Variants in IKBKB observed in about 807,000 individuals in gnomAD.
The protein encoded by IKBKB is inhibitor of nuclear factor kappa-B kinase subunit beta.
A neutral mutation model predicts 113.6 loss-of-function variants in IKBKB; 42 were observed. The observed-to-expected ratio is 0.37, with a 90% CI of 0.29 to 0.48. The LOEUF is 0.48. IKBKB is among the 20% of genes least tolerant of loss of function. The pLI, the probability that IKBKB is intolerant of heterozygous loss-of-function variation, is 0.99. For missense variants in IKBKB, 673 were observed against 939.7 expected, an observed-to-expected ratio of 0.72 and a Z score of 3.71; for synonymous variants, 296 against 361.3, an observed-to-expected ratio of 0.82 and a Z score of 2.05.
At chr8:42,322,304 T>C (rs1298350976) in intron 18 of IKBKB, 43 bp from the exon 19 acceptor site, 9 of 1,612,884 alleles carry the variant, frequency 5.6e-6, no homozygotes, top group Non-Finnish European at 7.6e-6. Context: ...TTCTGCTTTC[T>C]CCAGCCCAAA....
At chr8:42,319,519 T>C (rs1819368571) in intron 14 of IKBKB, 66 bp from the exon 15 acceptor site, 1 of 1,584,250 alleles carries the variant, frequency 6.3e-7, no homozygotes, top group Admixed American at 1.8e-5. Context: ...GTTGCTTATT[T>C]CTGTTTCAGT....
chr8:42,325,791 C>A, intron 19 of IKBKB, 179 bp from the exon 20 acceptor site: 1 of 1,448,214 alleles, frequency 6.9e-7, no homozygotes, highest in Non-Finnish European at 9.1e-7. Context: ...TACAGAAACA[C>A]TTTTGAAGCC....
intron 20 of IKBKB, 31 bp from the exon 21 acceptor site, chr8:42,329,093 C>A: frequency 6.4e-7 from 1 of 1,558,878 alleles, no homozygotes. Flanking sequence ...TAATAATGAC[C>A]ACTTTCTAAT....
intron 19 of IKBKB, chr8:42,324,882 C>T (rs560197847): frequency 7.8e-5 from 12 of 153,064 alleles, no homozygotes; most frequent in South Asian, 2.1e-4. Context: ...AGGCCAATGC[C>T]GGGCCTCTCC....
In IKBKB at chr8:42,271,321, T is replaced by G; in HGVS notation, c.-167T>G. 2 of 988,102 alleles carry G rather than the reference T, an allele frequency of 2.0e-6. No homozygotes were observed. The highest frequency in any genetic ancestry group is 3.1e-6 in the Non-Finnish European group (2 of 647,402). The allele number at this position is 988,102 out of a possible 1,614,324, so 61.2% of individuals were successfully genotyped here. On this transcript the variant is annotated 5_prime_UTR_variant, in exon 1 of 22. Coordinates refer to ENST00000520810, the MANE Select transcript of IKBKB (RefSeq NM_001556.3). ...TGCTCCGTGACGTCAGAGCAGGAAG[T>G]GTTTGAGGAAGTCGCGCCGCGCTGC... is the stretch of plus-strand genomic sequence containing the variant.
At position 42,331,093 on chromosome 8, in the gene IKBKB, G is replaced by A; in HGVS notation, c.*114G>A. The A allele has an allele frequency of 2.7e-6, 4 of 1,508,608 alleles. No individual in the cohort carries two copies. Among genetic ancestry groups the A allele is most frequent in the Non-Finnish European group, 3.6e-6 (4 of 1,111,796 alleles). 93.5% of individuals were successfully genotyped at this position (1,508,608 alleles called of 1,614,324 possible). A position where few individuals can be genotyped will look rare whatever the true frequency, so the allele number is the denominator to read the frequency against. ...GGAGCAGGCCGCGTGACGTGGGGCT[G>A]CCTGGCCGCGGCTCTCACATGGTGG... On this transcript the variant is annotated 3_prime_UTR_variant, in exon 22 of 22. Coordinates refer to ENST00000520810, the MANE Select transcript of IKBKB (RefSeq NM_001556.3).
chr8:42,315,972 C>T (rs1818608117), intron 9 of IKBKB, among the ~76,000 whole-genome samples: 2 of 152,146 alleles, frequency 1.3e-5, no homozygotes, highest in South Asian at 4.1e-4. Context: ...TCTCATGGGT[C>T]ATTCTTATGC....
rs970959851 is a variant in IKBKB, at chr8:42,271,563, G to A, written c.-19+94G>A. ...CCGGAAGACCCCTCTGTGCCGCTGG[G>A]AAGTCGCAGCTTGCGGACTGGGGAG... is the stretch of plus-strand genomic sequence containing the variant. On this transcript the variant is annotated intron_variant, in intron 1 of 21. Coordinates refer to ENST00000520810, the MANE Select transcript of IKBKB (RefSeq NM_001556.3). The A allele has an allele frequency of 2.5e-5, 14 of 565,134 alleles. No individual in the cohort carries two copies. The African/African-American group carries it at 2.6e-4, about 11-fold the overall frequency. The allele number at this position is 565,134 out of a possible 1,614,324, so 35.0% of individuals were successfully genotyped here.
At chr8:42,315,921 C>T (rs1400044042) in intron 9 of IKBKB, among the ~76,000 whole-genome samples, 2 of 46 alleles carry the variant, frequency 0.043, no homozygotes, top group African/African-American at 0.17. Context: ...CTTTGGCCTC[C>T]CCAAAGTGTG....
At chr8:42,330,170 G>A (rs1050211047) in intron 21 of IKBKB, 42 of 985,248 alleles carry the variant, frequency 4.3e-5, no homozygotes, top group Non-Finnish European at 4.3e-5. Context: ...GGGAGTGAGT[G>A]CTGTGAGCCA....
At chr8:42,291,610 C>T (rs1212239681) in intron 4 of IKBKB, among the ~76,000 whole-genome samples, 1 of 152,224 alleles carries the variant, frequency 6.6e-6, no homozygotes, top group Non-Finnish European at 1.5e-5. Flanking sequence ...CATTCCCAGA[C>T]ACACTTCAGG....
At chr8:42,322,539 T>G in intron 19 of IKBKB, 45 bp downstream of exon 19, 1 of 1,605,280 alleles carries the variant, frequency 6.2e-7, no homozygotes, top group Non-Finnish European at 8.5e-7. Context: ...AGCAGCCTCC[T>G]GTGCCTTTCC....
chr8:42,314,084 C>T (rs957055162), intron 8 of IKBKB: 3 of 510,180 alleles, frequency 5.9e-6, no homozygotes, highest in Admixed American at 3.3e-5. Flanking sequence ...TGTTTAGATA[C>T]ACCAATACTT....
At chr8:42,317,028 C>G (rs1191952313) in intron 11 of IKBKB, 124 bp downstream of exon 11, 4 of 958,490 alleles carry the variant, frequency 4.2e-6, no homozygotes, top group Non-Finnish European at 6.5e-6. Flanking sequence ...GTGCGGATAC[C>G]TGGCTGGTTT....
At chr8:42,314,820 C>G (rs1046159457) in intron 9 of IKBKB, among the ~76,000 whole-genome samples, 1 of 151,804 alleles carries the variant, frequency 6.6e-6, no homozygotes, top group East Asian at 1.9e-4. Context: ...GAAGTGACAT[C>G]TGATAACTTT....
intron 11 of IKBKB, 113 bp from the exon 12 acceptor site, chr8:42,317,544 C>A: frequency 2.8e-6 from 2 of 725,888 alleles, no homozygotes; most frequent in Non-Finnish European, 4.9e-6. Flanking sequence ...TACTTGCTGG[C>A]TGAAGATGAT....
At chr8:42,290,394 C>T (rs531039935) in intron 4 of IKBKB, 121 bp downstream of exon 4, 3 of 708,732 alleles carry the variant, frequency 4.2e-6, no homozygotes, top group Non-Finnish European at 7.3e-6. Context: ...CCAGTGACTC[C>T]AGCAGGGCTG....
At chr8:42,299,605 C>G (rs949624866) in intron 5 of IKBKB, among the ~76,000 whole-genome samples, 13 of 152,132 alleles carry the variant, frequency 8.5e-5, no homozygotes, top group African/African-American at 3.1e-4. Flanking sequence ...AACCCACCTG[C>G]CAGCTTCTGG....
chr8:42,327,632 CTTT>C (rs746891907), intron 20 of IKBKB, among the ~76,000 whole-genome samples: 1 of 122,844 alleles, frequency 8.1e-6, no homozygotes, highest in Non-Finnish European at 1.7e-5. Context: ...TGCACCCAGC[CTTT>C]TTTTTTTTTT....
Sources: gnomAD v4.1 joint callset for allele counts (sites outside exome capture counted in the v4.1 genomes callset) on GRCh38, gnomAD v4.1.1 for gene constraint, MANE v1.5 for transcripts, NCBI Gene and HGNC (gene_info 2026-07-23, HGNC 2026-07-21) for gene names.